Variants in FOXN3 observed in about 807,000 individuals in gnomAD.
FOXN3 encodes the protein forkhead box protein N3.
FOXN3 carries 7 observed loss-of-function variants against 38.4 expected under a neutral mutation model. The ratio of observed to expected loss-of-function variants is 0.18; its 90% CI spans 0.10 to 0.34. FOXN3 has a LOEUF of 0.34. Ranked by LOEUF, FOXN3 falls within the 10% of genes least tolerant of loss-of-function variation. FOXN3 has a pLI of 1.00. For missense variants in FOXN3, 456 were observed against 613.4 expected (o/e 0.74, Z 2.71); for synonymous variants, 230 against 242.2 (o/e 0.95, Z 0.47).
At chr14:89,512,900 G>A (rs1386237205) in intron 1 of FOXN3, among the ~76,000 whole-genome samples, 1 of 152,098 alleles carries the variant, frequency 6.6e-6, no homozygotes, top group Non-Finnish European at 1.5e-5. Context: ...CAGCACTATG[G>A]GAGGCCGAGG....
intron 1 of FOXN3, among the ~76,000 whole-genome samples, chr14:89,574,904 C>A (rs1241116584): frequency 6.6e-6 from 1 of 152,038 alleles, no homozygotes; most frequent in African/African-American, 2.4e-5. Context: ...ATTTCTATTT[C>A]TTCTGTATGT....
At chr14:89,493,383 G>A (rs934915292) in intron 1 of FOXN3, among the ~76,000 whole-genome samples, 1 of 152,062 alleles carries the variant, frequency 6.6e-6, no homozygotes, top group Admixed American at 6.5e-5. Context: ...GGGTCTAGCA[G>A]GCAAATAAAT....
intron 1 of FOXN3, among the ~76,000 whole-genome samples, chr14:89,495,675 C>T (rs879567859): frequency 2.0e-5 from 3 of 152,200 alleles, no homozygotes; most frequent in Non-Finnish European, 4.4e-5. Context: ...CTCTTATTTG[C>T]TTCAAGTTCA....
intron 2 of FOXN3, among the ~76,000 whole-genome samples, chr14:89,380,623 A>C (rs1466969417): frequency 6.6e-6 from 1 of 152,236 alleles, no homozygotes; most frequent in Non-Finnish European, 1.5e-5. Context: ...TATAAGTCGT[A>C]TCAGCAATCA....
intron 2 of FOXN3, among the ~76,000 whole-genome samples, chr14:89,402,469 C>T (rs962987852): frequency 2.6e-5 from 4 of 152,218 alleles, no homozygotes; most frequent in Non-Finnish European, 5.9e-5. Flanking sequence ...ACAGAAAGTT[C>T]CAAGTTTGCT....
intron 2 of FOXN3, among the ~76,000 whole-genome samples, chr14:89,369,119 A>ACAC (rs1890238673): frequency 6.6e-6 from 1 of 152,210 alleles, no homozygotes; most frequent in African/African-American, 2.4e-5. Flanking sequence ...TTATCCAGGA[A>ACAC]CACACATGGA....
intron 1 of FOXN3, among the ~76,000 whole-genome samples, chr14:89,563,659 A>C (rs1238242838): frequency 6.6e-6 from 1 of 152,100 alleles, no homozygotes; most frequent in Non-Finnish European, 1.5e-5. Flanking sequence ...TTGAGAGAGC[A>C]AGAGGAAGCA....
At chr14:89,291,022 C>T (rs1886854123) in intron 3 of FOXN3, 12 of 463,112 alleles carry the variant, frequency 2.6e-5, no homozygotes, top group South Asian at 9.9e-5. Context: ...TGCTCCTTGA[C>T]TCATGCTTGA....
upstream of FOXN3, among the ~76,000 whole-genome samples, chr14:89,421,717 C>T (rs1395135715): frequency 4.6e-5 from 7 of 151,268 alleles, no homozygotes; most frequent in African/African-American, 1.7e-4. Context: ...TTAGTAGAGA[C>T]GGGGTTTCTC....
intron 2 of FOXN3, among the ~76,000 whole-genome samples, chr14:89,357,393 G>A (rs1302681645): frequency 6.6e-6 from 1 of 152,118 alleles, no homozygotes; most frequent in Non-Finnish European, 1.5e-5. Flanking sequence ...GATCATCTGA[G>A]GTCAGGAGTT....
intron 3 of FOXN3, chr14:89,349,811 G>C (rs1888895658): frequency 6.6e-6 from 1 of 152,232 alleles, no homozygotes; most frequent in Non-Finnish European, 1.5e-5. Context: ...GAAGTGGACT[G>C]TAAAATTCCT....
At chr14:89,183,278 C>T (rs1378623533) in intron 4 of FOXN3, among the ~76,000 whole-genome samples, 4 of 152,160 alleles carry the variant, frequency 2.6e-5, no homozygotes, top group South Asian at 4.1e-4. Context: ...AGAGCAACAA[C>T]TTAGTCTGAT....
intron 1 of FOXN3, among the ~76,000 whole-genome samples, chr14:89,529,907 A>G (rs1238561242): frequency 2.6e-5 from 4 of 150,994 alleles, no homozygotes; most frequent in African/African-American, 9.7e-5. Flanking sequence ...GTTAGTTCTC[A>G]TGCTGCTAAT....
chr14:89,359,206 G>C (rs1007066428), intron 2 of FOXN3, among the ~76,000 whole-genome samples: 1 of 151,860 alleles, frequency 6.6e-6, no homozygotes, highest in Non-Finnish European at 1.5e-5. Context: ...TGAGGCAGGA[G>C]AATCGCTTGA....
chr14:89,325,078 G>T (rs370690129), intron 3 of FOXN3, among the ~76,000 whole-genome samples: 5 of 152,092 alleles, frequency 3.3e-5, no homozygotes, highest in Non-Finnish European at 5.9e-5. Context: ...TGCATCTCAG[G>T]TGCTCAACAA....
intron 2 of FOXN3, among the ~76,000 whole-genome samples, chr14:89,399,256 T>C (rs1376704820): frequency 2.0e-5 from 3 of 152,024 alleles, no homozygotes; most frequent in Admixed American, 1.3e-4. Context: ...ACTGGAACCA[T>C]CACATCACAG....
In FOXN3 at chr14:89,308,387, C is replaced by T. The variant is rs938694655; in HGVS notation, c.681-27373G>A. ...GAGCTCGAATCTTCTGGAATTTGTT[C>T]GAGATGTCCCGCACCGTTCTGTGCA... On this transcript the variant is annotated intron_variant, in intron 3 of 5. Transcript: ENST00000557258. Among the ~76,000 whole-genome samples the T allele has an allele frequency of 7.2e-5, 11 of 152,248 alleles. 1 individual carries two copies. The highest frequency in any genetic ancestry group is 5.9e-4 in the Admixed American group (9 of 15,284).
intron 2 of FOXN3, among the ~76,000 whole-genome samples, chr14:89,366,792 T>C (rs1387387077): frequency 2.0e-5 from 3 of 152,174 alleles, no homozygotes; most frequent in East Asian, 1.9e-4. Flanking sequence ...TCAGGTTTTA[T>C]GGACGGCAAT....
intron 4 of FOXN3, among the ~76,000 whole-genome samples, chr14:89,207,044 GAA>G (rs770344793): frequency 6.6e-6 from 1 of 152,044 alleles, no homozygotes; most frequent in East Asian, 1.9e-4. Flanking sequence ...AGCGGCAAGA[GAA>G]AAAGACAGTG....
Sources: gnomAD v4.1 joint callset for allele counts (sites outside exome capture counted in the v4.1 genomes callset) on GRCh38, gnomAD v4.1.1 for gene constraint, MANE v1.5 for transcripts, NCBI Gene and HGNC (gene_info 2026-07-23, HGNC 2026-07-21) for gene names.